VPS26C: variants seen among roughly 807,000 people sequenced by gnomAD.
VPS26C encodes vacuolar protein sorting-associated protein 26C.
VPS26C carries 19 observed loss-of-function variants against 30.6 expected under a neutral mutation model. That is an observed-to-expected ratio of 0.62 (90% confidence interval 0.43 to 0.91). VPS26C has a LOEUF of 0.91. Ranked by LOEUF, VPS26C falls within the 40% of genes least tolerant of loss-of-function variation. VPS26C has a pLI of 0.00. For synonymous variants in VPS26C, 132 were observed against 151.5 expected, an observed-to-expected ratio of 0.87 and a Z score of 0.95; for missense variants, 318 against 385.1, an observed-to-expected ratio of 0.83 and a Z score of 1.46.
At chr21:37,240,355 G>C in intron 2 of VPS26C, 141 bp downstream of exon 2, 3 of 861,592 alleles carry the variant, frequency 3.5e-6, no homozygotes, top group Non-Finnish European at 5.3e-6. Flanking sequence ...AAACTCCTGG[G>C]CTCAAGCGAT....
At chr21:37,228,188 C>T in intron 6 of VPS26C, 35 bp downstream of exon 6, 2 of 1,599,922 alleles carry the variant, frequency 1.3e-6, no homozygotes, top group Non-Finnish European at 1.7e-6. Context: ...TCGAGGGGGA[C>T]AGGCAAGCGC....
intron 1 of VPS26C, chr21:37,261,780 C>A (rs1411056117): frequency 6.6e-6 from 1 of 151,888 alleles, no homozygotes; most frequent in African/African-American, 2.4e-5. Context: ...CTCTGACATT[C>A]CCACAGTGCA....
intron 1 of VPS26C, among the ~76,000 whole-genome samples, chr21:37,244,923 G>A (rs117493311): frequency 0.018 from 2,689 of 152,316 alleles, 42 homozygotes; most frequent in Middle Eastern, 0.027. Context: ...GCCCCATGCT[G>A]GAAGCAGTCG....
At chr21:37,267,547 T>A, upstream of VPS26C, 2 of 555,148 alleles carry the variant, frequency 3.6e-6, no homozygotes, top group Non-Finnish European at 6.4e-6. Context: ...CCTCTGGGCG[T>A]GAAAGACGGG....
At chr21:37,253,166 C>A (rs971640281) in intron 1 of VPS26C, among the ~76,000 whole-genome samples, 1 of 152,116 alleles carries the variant, frequency 6.6e-6, no homozygotes, top group East Asian at 1.9e-4. Flanking sequence ...GAAACTGTAA[C>A]AAAATAACAA....
At chr21:37,239,498 G>C (rs2086061468) in intron 2 of VPS26C, among the ~76,000 whole-genome samples, 1 of 152,016 alleles carries the variant, frequency 6.6e-6, no homozygotes, top group African/African-American at 2.4e-5. Context: ...TCTTACCTTA[G>C]TGTCAAATCA....
At chr21:37,225,856 CCT>C in intron 7 of VPS26C, 1 of 572,822 alleles carries the variant, frequency 1.7e-6, no homozygotes, top group Non-Finnish European at 3.1e-6. Flanking sequence ...GAATTTTTGT[CCT>C]CTCATCTTGG....
At chr21:37,244,263 C>G (rs2086115788) in intron 1 of VPS26C, among the ~76,000 whole-genome samples, 1 of 152,158 alleles carries the variant, frequency 6.6e-6, no homozygotes, top group Non-Finnish European at 1.5e-5. Flanking sequence ...TTTGTATTCT[C>G]TTTTTTTTCC....
intron 1 of VPS26C, among the ~76,000 whole-genome samples, chr21:37,247,033 G>T (rs1172670807): frequency 2.0e-5 from 3 of 152,142 alleles, no homozygotes; most frequent in Non-Finnish European, 2.9e-5. Flanking sequence ...GGGATTACAG[G>T]TGTGAGCCAC....
At chr21:37,237,227 C>A (rs979757566) in intron 3 of VPS26C, among the ~76,000 whole-genome samples, 1 of 152,130 alleles carries the variant, frequency 6.6e-6, no homozygotes, top group Non-Finnish European at 1.5e-5. Flanking sequence ...TCACTGAAAA[C>A]GTGATCTTAT....
rs545562445 is a variant in VPS26C at position 37,257,714 on chromosome 21, G to A, written c.57+9524C>T. Among the ~76,000 whole-genome samples, 4 of 152,306 alleles carry A rather than the reference G, an allele frequency of 2.6e-5. No homozygotes were observed. In the South Asian group the frequency reaches 8.3e-4, roughly 32 times the overall value. On this transcript the variant is annotated intron_variant, in intron 1 of 7. Coordinates refer to ENST00000309117, the MANE Select transcript of VPS26C (RefSeq NM_006052.2). The surrounding 1 kb of genome is among the most constrained non-coding windows in gnomAD (Gnocchi z 4.2). ...CTCATGGTCAGCCCCAAGCACGGGC[G>A]GAAGAAAGGACTGGAGGGGAGGGAA...
chr21:37,242,965 T>C (rs2086102616), intron 1 of VPS26C, among the ~76,000 whole-genome samples: 1 of 152,196 alleles, frequency 6.6e-6, no homozygotes, highest in African/African-American at 2.4e-5. Context: ...GATATTCTTA[T>C]AATATACAGG....
intron 1 of VPS26C, among the ~76,000 whole-genome samples, chr21:37,242,660 A>G (rs1341416491): frequency 6.6e-6 from 1 of 152,232 alleles, no homozygotes; most frequent in Non-Finnish European, 1.5e-5. Context: ...CCACAAATAA[A>G]TGAGACAAAA....
intron 1 of VPS26C, among the ~76,000 whole-genome samples, chr21:37,249,703 G>T (rs187856784): frequency 6.6e-6 from 1 of 152,236 alleles, no homozygotes; most frequent in Admixed American, 6.5e-5. Flanking sequence ...TTTTTTGAGG[G>T]GGAGATGGCG....
intron 3 of VPS26C, among the ~76,000 whole-genome samples, chr21:37,235,866 TATATATATATA>T (rs1569233730): frequency 2.9e-5 from 3 of 104,342 alleles, no homozygotes; most frequent in Non-Finnish European, 4.0e-5. Flanking sequence ...TATATATATA[TATATATATATA>T]TATTTTTTTT....
chr21:37,238,436 C>A (rs770503472), intron 3 of VPS26C, 24 bp downstream of exon 3: 6 of 1,604,112 alleles, frequency 3.7e-6, no homozygotes, highest in South Asian at 1.1e-5. Flanking sequence ...TGAAGTCAGT[C>A]GCGTAGGACT....
At chr21:37,250,076 G>A (rs556317052) in intron 1 of VPS26C, among the ~76,000 whole-genome samples, 24 of 152,334 alleles carry the variant, frequency 1.6e-4, no homozygotes, top group African/African-American at 5.8e-4. Flanking sequence ...GGCTGAGGCA[G>A]GCGGATCACC....
chr21:37,251,208 G>A (rs2086190440), intron 1 of VPS26C, among the ~76,000 whole-genome samples: 1 of 152,152 alleles, frequency 6.6e-6, no homozygotes, highest in South Asian at 2.1e-4. Flanking sequence ...CAAACACATG[G>A]GCCCAGCAGA....
intron 2 of VPS26C, 95 bp downstream of exon 2, chr21:37,240,401 A>G: frequency 7.1e-7 from 1 of 1,405,726 alleles, no homozygotes; most frequent in Non-Finnish European, 9.7e-7. Flanking sequence ...CTGAGATTAC[A>G]GGCCTGAGCC....
Sources: gnomAD v4.1 joint callset for allele counts (sites outside exome capture counted in the v4.1 genomes callset) on GRCh38, gnomAD v4.1.1 for gene constraint, Gnocchi (gnomAD v3.1) non-coding constraint, MANE v1.5 for transcripts, NCBI Gene and HGNC (gene_info 2026-07-23, HGNC 2026-07-21) for gene names.